ARK2N: variants seen among roughly 807,000 people sequenced by gnomAD.
The protein encoded by ARK2N is arkadia (RNF111) N-terminal like PKA signaling regulator 2N.
the ARK2N span, among the ~76,000 whole-genome samples, chr18:46,219,547 G>A: frequency 6.7e-6 from 1 of 150,356 alleles, no homozygotes; most frequent in South Asian, 2.1e-4. Flanking sequence ...TCTGCTCACT[G>A]CAACCTCCGC....
the ARK2N span, among the ~76,000 whole-genome samples, chr18:46,185,082 A>C: frequency 6.6e-6 from 1 of 152,368 alleles, no homozygotes; most frequent in South Asian, 2.1e-4. Flanking sequence ...ATGTATTTTC[A>C]TATACAAATG....
At chr18:46,214,639 C>T in the ARK2N span, among the ~76,000 whole-genome samples, 1 of 152,160 alleles carries the variant, frequency 6.6e-6, no homozygotes, top group East Asian at 1.9e-4. Flanking sequence ...TGTCCTGTAC[C>T]TGTATGGTTA....
chr18:46,202,886 G>A, the ARK2N span, among the ~76,000 whole-genome samples: 3 of 151,642 alleles, frequency 2.0e-5, no homozygotes, highest in Admixed American at 1.3e-4. Flanking sequence ...ATAGAAATAT[G>A]TAGATCATGT....
At chr18:46,224,802 A>T in the ARK2N span, among the ~76,000 whole-genome samples, 1 of 152,216 alleles carries the variant, frequency 6.6e-6, no homozygotes, top group East Asian at 1.9e-4. Context: ...ATCACTGCCT[A>T]TGAATGCTGG....
the ARK2N span, chr18:46,253,565 G>C: frequency 8.9e-7 from 1 of 1,118,160 alleles, no homozygotes; most frequent in South Asian, 1.6e-5. Context: ...CAGTTTTGCT[G>C]TGGCAAGCTC....
At chr18:46,259,878 C>T in the ARK2N span, among the ~76,000 whole-genome samples, 6 of 50,038 alleles carry the variant, frequency 1.2e-4, no homozygotes, top group Non-Finnish European at 2.4e-4. Context: ...TCAAGTGATC[C>T]TCCCGTCTGT....
chr18:46,224,158 A>ATC, the ARK2N span, among the ~76,000 whole-genome samples: 1 of 152,156 alleles, frequency 6.6e-6, no homozygotes, highest in Admixed American at 6.5e-5. Context: ...GTGTTAACAG[A>ATC]TGCCTTTTGT....
At chr18:46,234,477 C>T in the ARK2N span, among the ~76,000 whole-genome samples, 4 of 152,080 alleles carry the variant, frequency 2.6e-5, no homozygotes, top group Non-Finnish European at 5.9e-5. Context: ...GGATTACAGG[C>T]GTGAGCCACT....
chr18:46,262,905 TTTTG>T, the ARK2N span: 2 of 1,609,024 alleles, frequency 1.2e-6, no homozygotes, highest in South Asian at 2.2e-5. Context: ...TTAACCATGC[TTTTG>T]TTCTTCATCT....
At chr18:46,258,746 G>A in the ARK2N span, among the ~76,000 whole-genome samples, 1 of 152,054 alleles carries the variant, frequency 6.6e-6, no homozygotes, top group South Asian at 2.1e-4. Context: ...AGCTGAGTAT[G>A]TTCCTACCTC....
the ARK2N span, among the ~76,000 whole-genome samples, chr18:46,205,138 G>GC: frequency 0.014 from 2,155 of 151,950 alleles, 50 homozygotes; most frequent in African/African-American, 0.043. Flanking sequence ...GAACTCCTGA[G>GC]CTCAGGCAAT....
At chr18:46,227,622 A>T in the ARK2N span, among the ~76,000 whole-genome samples, 1,040 of 151,270 alleles carry the variant, frequency 6.9e-3, 8 homozygotes, top group African/African-American at 0.024. Context: ...TTTGAGATGG[A>T]GTTTTGCTCT....
At chr18:46,216,054 G>A in the ARK2N span, 6 of 1,614,042 alleles carry the variant, frequency 3.7e-6, no homozygotes, top group African/African-American at 8.0e-5. This position sits in a 1 kb window ranked among gnomAD's most constrained non-coding sequence, Gnocchi z 4.3. Flanking sequence ...TGCCCTGCTT[G>A]TTGATGGAAC....
the ARK2N span, chr18:46,218,615 A>G: frequency 6.6e-6 from 1 of 152,334 alleles, no homozygotes; most frequent in East Asian, 1.9e-4. Context: ...TTTCATTTCA[A>G]TTGTCCATAT....
At chr18:46,235,402 G>A in the ARK2N span, among the ~76,000 whole-genome samples, 1 of 152,196 alleles carries the variant, frequency 6.6e-6, no homozygotes, top group Admixed American at 6.5e-5. Context: ...GTACAGCAGA[G>A]TATACATGCA....
At chr18:46,230,617 T>G in the ARK2N span, among the ~76,000 whole-genome samples, 5 of 152,344 alleles carry the variant, frequency 3.3e-5, no homozygotes, top group Admixed American at 1.3e-4. Context: ...CTCTCTAATA[T>G]GTGCATATGG....
chr18:46,199,335 G>A, the ARK2N span, among the ~76,000 whole-genome samples: 2 of 151,466 alleles, frequency 1.3e-5, no homozygotes, highest in African/African-American at 4.9e-5. Flanking sequence ...ATTTTTTTGA[G>A]ATGGAATCTC....
chr18:46,262,813 C>A, the ARK2N span: 42 of 1,052,424 alleles, frequency 4.0e-5, no homozygotes, highest in Non-Finnish European at 5.8e-5. Context: ...GTTTTATGAA[C>A]TTGCATACTA....
chr18:46,194,541 C>T, the ARK2N span, among the ~76,000 whole-genome samples: 3 of 151,250 alleles, frequency 2.0e-5, no homozygotes, highest in Non-Finnish European at 4.4e-5. Flanking sequence ...GGCATGGTCT[C>T]GGCTCACTGC....
Sources: gnomAD v4.1 joint callset for allele counts (sites outside exome capture counted in the v4.1 genomes callset) on GRCh38, gnomAD v4.1.1 for gene constraint, Gnocchi (gnomAD v3.1) non-coding constraint, MANE v1.5 for transcripts, NCBI Gene and HGNC (gene_info 2026-07-23, HGNC 2026-07-21) for gene names.